The following PDXDC1 variants were observed in gnomAD, a reference collection of about 807,000 sequenced individuals.
PDXDC1 encodes pyridoxal-dependent decarboxylase domain-containing protein 1.
Under a neutral mutation model 100.1 loss-of-function variants are expected in PDXDC1, and 42 were observed. That is an observed-to-expected ratio of 0.42 (90% CI 0.33 to 0.54). PDXDC1 has a LOEUF of 0.54. Ranked by LOEUF, PDXDC1 falls within the 20% of genes least tolerant of loss-of-function variation. The probability of loss-of-function intolerance (pLI) is 0.10; values close to 1 mark genes in which losing one functional copy is unlikely to be tolerated. For synonymous variants in PDXDC1, 260 were observed against 371.7 expected, an observed-to-expected ratio of 0.70 and a Z score of 3.46; for missense variants, 636 against 979.2, an observed-to-expected ratio of 0.65 and a Z score of 4.68.
intron 1 of PDXDC1, chr16:14,989,489 A>T (rs1970195397): frequency 6.2e-7 from 1 of 1,611,564 alleles, no homozygotes; most frequent in Non-Finnish European, 8.5e-7. Flanking sequence ...CTGGGCCGGC[A>T]GTGGGCCCCA....
chr16:15,007,018 C>G (rs571026326), intron 6 of PDXDC1, among the ~76,000 whole-genome samples: 3 of 152,382 alleles, frequency 2.0e-5, no homozygotes, highest in South Asian at 2.1e-4. Flanking sequence ...CTTTCTGTGA[C>G]CATTTTCAGG....
At chr16:15,132,873 A>G in intron 16 of PDXDC1, 1 of 1,591,184 alleles carries the variant, frequency 6.3e-7, no homozygotes, top group East Asian at 2.2e-5. Context: ...GCCCGCTCGT[A>G]CTGGGGCAGG....
intron 1 of PDXDC1, among the ~76,000 whole-genome samples, chr16:14,996,665 T>G (rs2151314970): frequency 6.6e-6 from 1 of 152,380 alleles, no homozygotes; most frequent in East Asian, 1.9e-4. Flanking sequence ...GATCAGCCTG[T>G]GCAGCATAAT....
chr16:15,035,504 C>T lies in PDXDC1; in HGVS notation c.2058C>T (p.Val686=), dbSNP rs1366866912. Residue 686 remains valine (V), a synonymous_variant, in exon 22 of 23, where the codon GTC becomes GTT. Transcript: ENST00000396410. ...TCTACAAAGCACAAGGTGCAGGAGT[C>T]ACGCTGCCTCCAACGCCCTCGGGCA... The part of the protein sequence containing the change: ...IYVYKAQGAG[V]TLPPTPSGSR... 5 of 1,612,628 alleles carry T rather than the reference C, an allele frequency of 3.1e-6. No individual in the cohort carries two copies. Among genetic ancestry groups the T allele is most frequent in the African/African-American group, 1.3e-5 (1 of 74,892 alleles).
At chr16:15,025,717 CTGGGATTGT>C (rs2042544992) in intron 13 of PDXDC1, 1 of 152,796 alleles carries the variant, frequency 6.5e-6, no homozygotes, top group Admixed American at 6.5e-5. Context: ...AGCTATAGTA[CTGGGATTGT>C]TGGATGCTTA....
intron 16 of PDXDC1, among the ~76,000 whole-genome samples, chr16:15,111,730 C>T (rs2047074590): frequency 7.8e-6 from 1 of 128,262 alleles, no homozygotes; most frequent in South Asian, 2.6e-4. Flanking sequence ...TGCACTCCAG[C>T]CTGGTGACAG....
intron 12 of PDXDC1, among the ~76,000 whole-genome samples, chr16:15,022,348 C>T (rs1362501697): frequency 2.6e-5 from 4 of 152,300 alleles, no homozygotes; most frequent in African/African-American, 4.8e-5. Context: ...TTATCACCAG[C>T]TCTTGAGCGT....
At chr16:15,043,786 A>G (rs1194400347) in intron 16 of PDXDC1, among the ~76,000 whole-genome samples, 1 of 152,110 alleles carries the variant, frequency 6.6e-6, no homozygotes, top group African/African-American at 2.4e-5. Flanking sequence ...CATTTCTACC[A>G]AAAATACAAA....
chr16:15,109,828 G>T (rs1466673502), intron 16 of PDXDC1, among the ~76,000 whole-genome samples: 1 of 137,800 alleles, frequency 7.3e-6, no homozygotes, highest in Non-Finnish European at 1.6e-5. Context: ...CAGCCTGGGC[G>T]ACAGAGCGAG....
chr16:15,000,991 T>C (rs1011242633), intron 3 of PDXDC1, among the ~76,000 whole-genome samples: 7 of 151,268 alleles, frequency 4.6e-5, no homozygotes, highest in Non-Finnish European at 7.4e-5. Flanking sequence ...TTTGCTCTTA[T>C]TACATGCTTA....
intron 16 of PDXDC1, among the ~76,000 whole-genome samples, chr16:15,122,965 T>C (rs1473900431): frequency 1.8e-3 from 264 of 149,382 alleles, no homozygotes; most frequent in Middle Eastern, 3.5e-3. Context: ...CGGTTCAAAT[T>C]AAGTTCTCAA....
chr16:14,978,788 A>G (rs1483422176), intron 1 of PDXDC1, among the ~76,000 whole-genome samples: 1 of 152,292 alleles, frequency 6.6e-6, no homozygotes, highest in Non-Finnish European at 1.5e-5. Context: ...TAGGCAAGGT[A>G]TACTGCAGTT....
the PDXDC1 span, among the ~76,000 whole-genome samples, chr16:15,144,421 G>C: frequency 6.6e-6 from 1 of 152,202 alleles, no homozygotes; most frequent in Non-Finnish European, 1.5e-5. Flanking sequence ...CTGGGCAGAC[G>C]GCTGCTGGCT....
chr16:15,055,086 T>C (rs1436995434), intron 16 of PDXDC1, among the ~76,000 whole-genome samples: 2 of 152,144 alleles, frequency 1.3e-5, no homozygotes, highest in East Asian at 3.9e-4. Context: ...CCAACAGATA[T>C]TAGGGGCTCG....
intron 16 of PDXDC1, among the ~76,000 whole-genome samples, chr16:15,095,948 G>A (rs1483995663): frequency 6.6e-6 from 1 of 151,198 alleles, no homozygotes. Context: ...ATATGGTGGT[G>A]CATACCTGTA....
intron 16 of PDXDC1, chr16:15,133,699 C>A (rs2048215546): frequency 3.1e-6 from 5 of 1,600,346 alleles, no homozygotes; most frequent in Non-Finnish European, 4.3e-6. Context: ...CCGCGTCATG[C>A]CAGCCTGAGG....
At chr16:15,128,133 G>C (rs757554674) in intron 16 of PDXDC1, 1 of 1,609,728 alleles carries the variant, frequency 6.2e-7, no homozygotes, top group South Asian at 1.1e-5. Flanking sequence ...GCAGGGCTGA[G>C]CCCTGCAGAG....
the PDXDC1 span, among the ~76,000 whole-genome samples, chr16:15,151,424 CAAAAAAAAAA>C: frequency 5.1e-3 from 73 of 14,416 alleles, no homozygotes; most frequent in Non-Finnish European, 9.6e-3. Context: ...GACTCCGTCT[CAAAAAAAAAA>C]AAAAAAAAAA....
At chr16:15,038,790 G>T, downstream of PDXDC1, 1 of 642,388 alleles carries the variant, frequency 1.6e-6, no homozygotes, top group Non-Finnish European at 2.7e-6. Context: ...GCATTTATCT[G>T]CCTAAGCTTC....
Sources: gnomAD v4.1 joint callset for allele counts (sites outside exome capture counted in the v4.1 genomes callset) on GRCh38, gnomAD v4.1.1 for gene constraint, MANE v1.5 for transcripts, NCBI Gene and HGNC (gene_info 2026-07-23, HGNC 2026-07-21) for gene names.